The following MMP26 variants were observed in gnomAD, a reference collection of about 807,000 sequenced individuals.
MMP26 encodes the protein matrix metalloproteinase-26.
Under a neutral mutation model 31.0 loss-of-function variants are expected in MMP26, and 33 were observed. The ratio of observed to expected loss-of-function variants is 1.06; its 90% CI spans 0.81 to 1.42. The LOEUF (loss-of-function observed/expected upper bound fraction) is 1.42, where lower values mean the gene tolerates loss of function less well. MMP26 is among the 40% of genes most tolerant of loss of function. MMP26 has a pLI of 0.00. For synonymous variants in MMP26, 122 were observed against 114.9 expected, an observed-to-expected ratio of 1.06 and a Z score of -0.40; for missense variants, 347 against 316.1, an observed-to-expected ratio of 1.10 and a Z score of -0.74.
chr11:4,878,784 A>T (rs762565546), intron 2 of MMP26, among the ~76,000 whole-genome samples: 1 of 152,154 alleles, frequency 6.6e-6, no homozygotes, highest in Non-Finnish European at 1.5e-5. Flanking sequence ...ACTGATAGGA[A>T]CCAGGGAAAG....
chr11:4,724,003 G>C, intron 1 of MMP26: 2 of 710,928 alleles, frequency 2.8e-6, no homozygotes, highest in Non-Finnish European at 5.1e-6. Flanking sequence ...CATGCCGCTG[G>C]ACCCACCATA....
intron 2 of MMP26, among the ~76,000 whole-genome samples, chr11:4,844,652 G>A (rs2133493035): frequency 1.3e-5 from 2 of 152,180 alleles, no homozygotes; most frequent in Middle Eastern, 3.4e-3. Context: ...ACAGAATGAA[G>A]GATAAAAACC....
intron 1 of MMP26, among the ~76,000 whole-genome samples, chr11:4,743,301 A>G (rs1168390922): frequency 6.6e-6 from 1 of 152,168 alleles, no homozygotes; most frequent in Non-Finnish European, 1.5e-5. Context: ...TACTCTATTT[A>G]AAACTCATTT....
rs1177918718 is a variant in MMP26 at position 4,952,270 on chromosome 11, C to T, written c.-144-35798C>T. 2.4e-5 allele frequency among the ~76,000 whole-genome samples: 3 copies of T among 124,706 alleles called. 1 individual carries two copies. Among genetic ancestry groups the T allele is most frequent in the African/African-American group, 5.4e-5 (2 of 36,744 alleles). The allele number at this position is 124,706 out of a possible 152,430, so 81.8% of individuals were successfully genotyped here. ...GACTCTTGAATGAGACATCTATGTACAATATCCTGAAAGAATAAGATGCTT... is the reference window on the plus strand; with the variant it reads ...GACTCTTGAATGAGACATCTATGTATAATATCCTGAAAGAATAAGATGCTT... On this transcript the variant is annotated intron_variant, in intron 2 of 7. Coordinates refer to ENST00000380390, the MANE Select transcript of MMP26 (RefSeq NM_021801.5).
chr11:4,762,118 T>C (rs1270676965), intron 1 of MMP26, among the ~76,000 whole-genome samples: 1 of 152,204 alleles, frequency 6.6e-6, no homozygotes, highest in Non-Finnish European at 1.5e-5. Context: ...AGCAAACCAA[T>C]ATTTACTTGA....
chr11:4,805,482 C>G (rs534817180), intron 2 of MMP26, among the ~76,000 whole-genome samples: 1 of 152,190 alleles, frequency 6.6e-6, no homozygotes, highest in South Asian at 2.1e-4. Context: ...TCCAATAAAC[C>G]TTTGTTTACA....
At chr11:4,932,741 G>T (rs1332303011) in intron 2 of MMP26, among the ~76,000 whole-genome samples, 1 of 152,092 alleles carries the variant, frequency 6.6e-6, no homozygotes, top group Non-Finnish European at 1.5e-5. Context: ...TCTGAACATG[G>T]TTCCTGGTCA....
chr11:4,857,012 C>A (rs2133506541), intron 2 of MMP26, among the ~76,000 whole-genome samples: 1 of 152,264 alleles, frequency 6.6e-6, no homozygotes, highest in Middle Eastern at 3.4e-3. Context: ...TAAAGATGTT[C>A]TTTGAAACCA....
At chr11:4,735,880 C>T (rs1848233358) in intron 1 of MMP26, among the ~76,000 whole-genome samples, 1 of 152,106 alleles carries the variant, frequency 6.6e-6, no homozygotes, top group Admixed American at 6.6e-5. Flanking sequence ...GGTTTGGTCT[C>T]ATGAAGAAAG....
At position 4,933,714 on chromosome 11, in the gene MMP26, T is replaced by C. The variant is rs368914624; in HGVS notation, c.-144-54354T>C. Among the ~76,000 whole-genome samples the C allele has an allele frequency of 3.0e-4, 43 of 141,704 alleles. 1 individual carries two copies. In the East Asian group the frequency reaches 6.5e-3, roughly 21 times the overall value. 93.0% of individuals were successfully genotyped at this position (141,704 alleles called of 152,430 possible). On this transcript the variant is annotated intron_variant, in intron 2 of 7. Transcript: ENST00000380390. The stretch of plus-strand genomic sequence containing the variant: ...CATTAGGTATATCTCCCAATGCTAT[T>C]CCTCCCCCCTCCCCCCACCCCACCA...
intron 2 of MMP26, among the ~76,000 whole-genome samples, chr11:4,824,243 G>A (rs1849551956): frequency 6.6e-6 from 1 of 152,120 alleles, no homozygotes; most frequent in Non-Finnish European, 1.5e-5. Flanking sequence ...GCCTGGTGCT[G>A]AGAAGTTCTC....
rs753450158 is a variant in MMP26 at position 4,915,144 on chromosome 11, A to C, written c.-144-72924A>C. ...GAATGTGAGAGAACTGGGGAGCCAC[A>C]ATAGGGGAATCTTTTGAGCATAAAA... On this transcript the variant is annotated intron_variant, in intron 2 of 7. Coordinates refer to ENST00000380390, the MANE Select transcript of MMP26 (RefSeq NM_021801.5). 9.3e-6 allele frequency: 15 copies of C among 1,614,012 alleles called. No individual in the cohort carries two copies. The East Asian group carries it at 3.3e-4, about 36-fold the overall frequency.
chr11:4,862,824 T>C (rs747920094), intron 2 of MMP26, among the ~76,000 whole-genome samples: 2 of 152,134 alleles, frequency 1.3e-5, no homozygotes, highest in Non-Finnish European at 2.9e-5. Context: ...CACTCACACT[T>C]GTTGTGTTGT....
At chr11:4,884,597 C>T (rs1040100847) in intron 2 of MMP26, among the ~76,000 whole-genome samples, 4 of 152,002 alleles carry the variant, frequency 2.6e-5, no homozygotes, top group Admixed American at 6.6e-5. Flanking sequence ...AGCAGACGTC[C>T]CAGAACACAC....
intron 2 of MMP26, among the ~76,000 whole-genome samples, chr11:4,837,255 G>A (rs753832432): frequency 2.0e-5 from 3 of 151,968 alleles, no homozygotes; most frequent in Non-Finnish European, 4.4e-5. Context: ...TTGTCCATGC[G>A]GGGTTGCAGT....
chr11:4,820,151 C>T (rs1849475627), intron 2 of MMP26, among the ~76,000 whole-genome samples: 1 of 152,158 alleles, frequency 6.6e-6, no homozygotes, highest in East Asian at 1.9e-4. Context: ...TCCTTTTATG[C>T]ATTCCTCAGC....
intron 1 of MMP26, chr11:4,736,398 C>T (rs557305435): frequency 5.9e-5 from 9 of 152,204 alleles, no homozygotes; most frequent in South Asian, 2.1e-4. Context: ...GACCTTATGC[C>T]GCTCCTCTGG....
intron 2 of MMP26, among the ~76,000 whole-genome samples, chr11:4,874,564 T>TGG (rs1266915179): frequency 2.0e-5 from 2 of 100,102 alleles, no homozygotes; most frequent in Non-Finnish European, 5.2e-5. Flanking sequence ...TGTGGTGTGT[T>TGG]GGTGTGTGTG....
At chr11:4,775,728 A>T (rs34352527) in intron 2 of MMP26, among the ~76,000 whole-genome samples, 14,358 of 150,378 alleles carry the variant, frequency 0.095, 838 homozygotes, top group Middle Eastern at 0.15. Flanking sequence ...AGAGAGTACA[A>T]GGAAAGAGAG....
Sources: allele counts gnomAD v4.1 joint callset (sites outside exome capture counted in the v4.1 genomes callset), GRCh38; gene constraint gnomAD v4.1.1; transcripts MANE v1.5; gene names NCBI Gene and HGNC (gene_info 2026-07-23, HGNC 2026-07-21).